Variants in NPR3 observed in about 807,000 individuals in gnomAD.
The protein encoded by NPR3 is atrial natriuretic peptide receptor 3.
In NPR3, 34 loss-of-function variants were observed where a neutral mutation model predicts 54.5. The observed-to-expected ratio is 0.62, with a 90% CI of 0.47 to 0.83. The LOEUF is 0.83. Among genes scored for constraint, NPR3 ranks in the 40% least tolerant of loss-of-function variants. NPR3 has a pLI of 0.00. For missense variants in NPR3, 674 were observed against 720.8 expected (o/e 0.94, Z 0.74); for synonymous variants, 289 against 297.1 (o/e 0.97, Z 0.28).
chr5:32,708,016 A>C (rs1412188003), upstream of NPR3, among the ~76,000 whole-genome samples: 1 of 129,776 alleles, frequency 7.7e-6, no homozygotes, highest in Non-Finnish European at 1.5e-5. Flanking sequence ...AAAAAAAAAA[A>C]CAACCCAAAC....
chr5:32,744,795 T>C (rs986276080), intron 3 of NPR3, among the ~76,000 whole-genome samples: 1 of 152,162 alleles, frequency 6.6e-6, no homozygotes, highest in African/African-American at 2.4e-5. Flanking sequence ...TTCCTCTGCA[T>C]CGCAGCACAC....
chr5:32,780,532 T>A (rs1309554660), intron 4 of NPR3, among the ~76,000 whole-genome samples, 190 bp from the exon 5 acceptor site: 1 of 152,194 alleles, frequency 6.6e-6, no homozygotes, highest in East Asian at 1.9e-4. Context: ...ATGTTAAGAA[T>A]TTAGGAATGC....
chr5:32,753,323 CTTT>C (rs3066352), intron 3 of NPR3, among the ~76,000 whole-genome samples: 13 of 145,684 alleles, frequency 8.9e-5, no homozygotes, highest in Non-Finnish European at 1.5e-4. Flanking sequence ...ATGCTATTTT[CTTT>C]TTTTTTTTTT....
At chr5:32,758,273 T>C (rs934836675) in intron 3 of NPR3, among the ~76,000 whole-genome samples, 1 of 152,238 alleles carries the variant, frequency 6.6e-6, no homozygotes, top group African/African-American at 2.4e-5. Flanking sequence ...ATTGCCTCAA[T>C]TTCAGAACCT....
Position 32,782,984 on chromosome 5 carries a change from A to G in NPR3, c.1382A>G (p.Glu461Gly). 2 of 1,607,882 alleles carry G rather than the reference A, an allele frequency of 1.2e-6. No individual in the cohort carries two copies. The highest frequency in any genetic ancestry group is 1.7e-6 in the Non-Finnish European group (2 of 1,176,592). The change falls in exon 6 of 8, where the codon GAA becomes GGA. Residue 461 changes from glutamate to glycine, a missense_variant. Glu to Gly is a moderately conservative substitution (Grantham distance 98, BLOSUM62 -2). Coordinates refer to ENST00000265074, the MANE Select transcript of NPR3 (RefSeq NM_001204375.2). The part of the protein sequence containing the change: ...PWGPLKLRID[E>G]NRIVEHTNSS... ...GGCCCTTTAAAACTGAGAATAGATGAAAACCGAATTGTAGAGCATACAAAC... is the reference window on the plus strand; with the variant it reads ...GGCCCTTTAAAACTGAGAATAGATGGAAACCGAATTGTAGAGCATACAAAC...
At chr5:32,735,385 A>C (rs1739675715) in intron 2 of NPR3, among the ~76,000 whole-genome samples, 1 of 151,436 alleles carries the variant, frequency 6.6e-6, no homozygotes, top group African/African-American at 2.4e-5. Context: ...CCTCACGCAC[A>C]GTGCTCTGCC....
chr5:32,778,969 G>A (rs747320672), intron 4 of NPR3, among the ~76,000 whole-genome samples: 2 of 152,224 alleles, frequency 1.3e-5, no homozygotes, highest in Admixed American at 1.3e-4. Context: ...GGCTGTCAAG[G>A]ATACACAAGT....
intron 2 of NPR3, among the ~76,000 whole-genome samples, chr5:32,736,490 C>A (rs968107551): frequency 6.6e-6 from 1 of 152,104 alleles, no homozygotes; most frequent in Admixed American, 6.5e-5. Context: ...AAACTCACAC[C>A]CTCTTTGCCT....
intron 2 of NPR3, among the ~76,000 whole-genome samples, chr5:32,731,464 G>A (rs999669225): frequency 1.3e-5 from 2 of 152,150 alleles, no homozygotes; most frequent in Non-Finnish European, 2.9e-5. Context: ...TCCCCTGCAA[G>A]CCTTAGTTTC....
At chr5:32,710,916 G>GTA (rs1554012188), upstream of NPR3, 2 of 782,174 alleles carry the variant, frequency 2.6e-6, no homozygotes, top group Non-Finnish European at 3.5e-6. Context: ...GTGTGTGTGT[G>GTA]TATGTGTGCG....
intron 1 of NPR3, among the ~76,000 whole-genome samples, chr5:32,718,686 G>A (rs1202665942): frequency 6.6e-6 from 1 of 152,122 alleles, no homozygotes; most frequent in African/African-American, 2.4e-5. Context: ...TGTGATTTTT[G>A]CACATTGATT....
At chr5:32,760,229 C>A (rs980979181) in intron 3 of NPR3, among the ~76,000 whole-genome samples, 5 of 151,818 alleles carry the variant, frequency 3.3e-5, no homozygotes, top group Admixed American at 6.6e-5. Context: ...GAGTAAACAT[C>A]CAGGAATGGA....
intron 2 of NPR3, among the ~76,000 whole-genome samples, chr5:32,733,069 T>A (rs1323850699): frequency 6.6e-6 from 1 of 152,160 alleles, no homozygotes; most frequent in Non-Finnish European, 1.5e-5. Context: ...GGTCTCGAAC[T>A]CCTGACCTCA....
chr5:32,748,531 G>A (rs10061804), intron 3 of NPR3, among the ~76,000 whole-genome samples: 45,793 of 152,070 alleles, frequency 0.3, 7,015 homozygotes, highest in African/African-American at 0.34. Context: ...ATAAATGCAG[G>A]TTCTTCTAGA....
chr5:32,740,831 C>T (rs894381978), intron 3 of NPR3, among the ~76,000 whole-genome samples: 4 of 152,002 alleles, frequency 2.6e-5, no homozygotes, highest in Non-Finnish European at 5.9e-5. Context: ...TATTGGACAG[C>T]GTGTTCTGAA....
intron 1 of NPR3, among the ~76,000 whole-genome samples, chr5:32,722,218 T>C (rs1738902866): frequency 6.6e-6 from 1 of 152,288 alleles, no homozygotes; most frequent in African/African-American, 2.4e-5. Context: ...CCTCTGGTCC[T>C]TGGACCCTGG....
chr5:32,710,987 A>T (rs182266125), upstream of NPR3, among the ~76,000 whole-genome samples: 251 of 150,956 alleles, frequency 1.7e-3, no homozygotes, highest in African/African-American at 6.0e-3. Flanking sequence ...GGAGCTGGAG[A>T]GCGTGGAAAG....
At chr5:32,752,670 T>C (rs1740638674) in intron 3 of NPR3, among the ~76,000 whole-genome samples, 1 of 152,218 alleles carries the variant, frequency 6.6e-6, no homozygotes, top group South Asian at 2.1e-4. Flanking sequence ...AAACTACAAG[T>C]TGGCTTTTAA....
chr5:32,709,251 T>C (rs1000021590), upstream of NPR3, among the ~76,000 whole-genome samples: 1 of 152,062 alleles, frequency 6.6e-6, no homozygotes, highest in Non-Finnish European at 1.5e-5. Flanking sequence ...TAGGAAACAC[T>C]GGTTCCTACC....
Sources: gnomAD v4.1 joint callset for allele counts (sites outside exome capture counted in the v4.1 genomes callset) on GRCh38, gnomAD v4.1.1 for gene constraint, MANE v1.5 for transcripts, NCBI Gene and HGNC (gene_info 2026-07-23, HGNC 2026-07-21) for gene names.